The following ASAH2 variants were observed in gnomAD, a reference collection of about 807,000 sequenced individuals.
ASAH2 encodes N-acylsphingosine amidohydrolase 2.
In ASAH2, 58 loss-of-function variants were observed where a neutral mutation model predicts 82.9. The observed-to-expected ratio is 0.70, with a 90% CI of 0.57 to 0.87. The LOEUF is 0.87. Ranked by LOEUF, ASAH2 falls within the 40% of genes least tolerant of loss-of-function variation. The pLI, the probability that ASAH2 is intolerant of heterozygous loss-of-function variation, is 0.00. For missense variants in ASAH2, 779 were observed against 834.0 expected, an observed-to-expected ratio of 0.93 and a Z score of 0.81; for synonymous variants, 276 against 289.7, an observed-to-expected ratio of 0.95 and a Z score of 0.48.
Position 50,187,116 on chromosome 10 carries a change from TCTCACACACACACA to T in ASAH2, c.*185_*198del, listed in dbSNP as rs1402153741. 84 of 230,078 alleles carry T rather than the reference TCTCACACACACACA, an allele frequency of 3.7e-4. No individual in the cohort carries two copies. Among genetic ancestry groups the T allele is most frequent in the African/African-American group, 2.8e-3 (74 of 26,100 alleles). The allele number at this position is 230,078 out of a possible 1,614,324, so 14.3% of individuals were successfully genotyped here. A position where few individuals can be genotyped will look rare whatever the true frequency, so the allele number is the denominator to read the frequency against. ...CTCTCTCTCTCTCTCTCTCTCTCTC[TCTCACACACACACA>T]CACACACACACACACACACACACAC... On this transcript the variant is annotated 3_prime_UTR_variant, in exon 21 of 21. Coordinates refer to ENST00000682911, the MANE Select transcript of ASAH2 (RefSeq NM_019893.4).
chr10:50,234,461 T>C lies in ASAH2; in HGVS notation c.779A>G (p.Tyr260Cys). The C allele has an allele frequency of 3.1e-6, 5 of 1,613,094 alleles. No homozygotes were observed. Among genetic ancestry groups the C allele is most frequent in the Non-Finnish European group, 4.2e-6 (5 of 1,179,278 alleles). ...VDGVQINRSP[Y>C]SYLQNPQSER... ...TGACTGCGGATTTTGAAGGTAAGAA[T>C]ACGGACTTCTGTTGATCTGCACACC... Residue 260 changes from tyrosine (Y) to cysteine (C), a missense_variant, in exon 6 of 21, where the codon TAT becomes TGT. Transcript: ENST00000682911.
intron 4 of ASAH2, among the ~76,000 whole-genome samples, chr10:50,241,710 TA>T (rs982033500): frequency 2.6e-5 from 4 of 151,990 alleles, no homozygotes; most frequent in African/African-American, 4.8e-5. Flanking sequence ...TATACAGCCA[TA>T]AAAAAGGGTG....
chr10:50,243,127 A>C, intron 4 of ASAH2, 75 bp downstream of exon 4: 2 of 1,530,546 alleles, frequency 1.3e-6, no homozygotes, highest in Non-Finnish European at 1.8e-6. Context: ...AAGAGGAATT[A>C]TTTCCTGTCA....
chr10:50,236,059 C>A lies in ASAH2; in HGVS notation c.516G>T (p.Leu172=). The stretch of plus-strand genomic sequence containing the variant: ...AGCCATATTTACTCTGCAGTCTGTT[C>A]AGGACCTTCAAGAAAAAAAGTAATT... The part of the protein sequence containing the change: ...MVSQRLRLEV[L]NRLQSKYGSL... Residue 172 remains leucine, a synonymous_variant, in exon 5 of 21, where the codon CTG becomes CTT. Transcript: ENST00000682911. 1.7e-5 allele frequency: 27 copies of A among 1,612,998 alleles called. No homozygotes were observed. Among genetic ancestry groups the A allele is most frequent in the Non-Finnish European group, 2.3e-5 (27 of 1,179,212 alleles).
chr10:50,231,950 A>G (rs1173583053), intron 7 of ASAH2, among the ~76,000 whole-genome samples: 3 of 152,136 alleles, frequency 2.0e-5, no homozygotes, highest in African/African-American at 7.2e-5. Context: ...AGACAACCCT[A>G]TGGGGTATTA....
chr10:50,199,298 C>CATTTCCATTT, intron 16 of ASAH2, 152 bp from the exon 17 acceptor site: 1 of 768,474 alleles, frequency 1.3e-6, no homozygotes. Flanking sequence ...AGAGGATGGG[C>CATTTCCATTT]ATTTCCATTT....
At chr10:50,196,385 C>G (rs1175015766) in intron 18 of ASAH2, among the ~76,000 whole-genome samples, 1 of 151,560 alleles carries the variant, frequency 6.6e-6, no homozygotes, top group South Asian at 2.1e-4. Flanking sequence ...CTCCTCCCCC[C>G]AGAAAAACTG....
intron 12 of ASAH2, among the ~76,000 whole-genome samples, 154 bp from the exon 13 acceptor site, chr10:50,206,251 T>C (rs1396789421): frequency 6.6e-6 from 1 of 151,886 alleles, no homozygotes; most frequent in Non-Finnish European, 1.5e-5. Context: ...AGTAATAGAA[T>C]AGGAAAAATG....
intron 15 of ASAH2, among the ~76,000 whole-genome samples, 155 bp from the exon 16 acceptor site, chr10:50,203,079 C>T (rs1845199588): frequency 6.6e-6 from 1 of 151,942 alleles, no homozygotes; most frequent in African/African-American, 2.4e-5. Flanking sequence ...TTGGACAAGT[C>T]AATGGATCTA....
intron 8 of ASAH2, among the ~76,000 whole-genome samples, chr10:50,215,556 G>A (rs1845570879): frequency 3.3e-5 from 5 of 152,138 alleles, no homozygotes; most frequent in South Asian, 4.2e-4. Flanking sequence ...TTAAACAGGG[G>A]ATCCTTTCCC....
rs767204609 is a variant in ASAH2 at position 50,245,415 on chromosome 10, G to A, written c.167C>T (p.Pro56Leu). 6.2e-7 allele frequency: 1 copy of A among 1,613,940 alleles called. No individual in the cohort carries two copies. The highest frequency in any genetic ancestry group is 1.1e-5 in the South Asian group (1 of 91,068). The change falls in exon 3 of 21, where the codon CCA (proline) becomes CTA (leucine). Residue 56 changes from proline (P) to leucine (L), a missense_variant. This residue lies in a region of ASAH2 where 759 missense variants were observed against 755.2 expected (regional missense o/e 1.00). Coordinates refer to ENST00000682911, the MANE Select transcript of ASAH2 (RefSeq NM_019893.4). Reference sequence around the variant, plus strand: ...GGCAGCTGTGGAGCCCTGGGTGGCTGGAGGGCTTTGGGTGGTTGAAAAAAA... The same window carrying A: ...GGCAGCTGTGGAGCCCTGGGTGGCTAGAGGGCTTTGGGTGGTTGAAAAAAA... ...GHFFSTTQSPPATQGSTAAQR... is the reference protein window; with the variant it reads ...GHFFSTTQSPLATQGSTAAQR...
At chr10:50,227,101 C>A (rs1845906047) in intron 7 of ASAH2, among the ~76,000 whole-genome samples, 1 of 151,990 alleles carries the variant, frequency 6.6e-6, no homozygotes, top group Non-Finnish European at 1.5e-5. Flanking sequence ...CCTGAAAATA[C>A]ACTAAATTCA....
In ASAH2 at chr10:50,185,279, T is replaced by C. The variant is rs1844714093; in HGVS notation, c.*2036A>G. The C allele has an allele frequency of 6.7e-6, 1 of 149,304 alleles. No individual in the cohort carries two copies. Among genetic ancestry groups the C allele is most frequent in the Non-Finnish European group, 1.5e-5 (1 of 67,242 alleles). The allele number at this position is 149,304 out of a possible 1,614,324, so 9.2% of individuals were successfully genotyped here. ...TATTGATAATCCAGGAATTTGGTTT[T>C]ATTTTTACACATGAACTGCGAACAT... On this transcript the variant is annotated 3_prime_UTR_variant, in exon 21 of 21. Transcript: ENST00000682911.
Position 50,232,318 on chromosome 10 carries a change from A to C in ASAH2, c.893+866T>G, listed in dbSNP as rs1224845072. On this transcript the variant is annotated intron_variant, in intron 7 of 20. Transcript: ENST00000682911. ...ATACTTACTTTATCCTATGGTATGC[A>C]CAAAAATGCTTAGGGATGAGAAACA... is the stretch of plus-strand genomic sequence containing the variant. Among the ~76,000 whole-genome samples, 7 of 152,260 alleles carry C rather than the reference A, an allele frequency of 4.6e-5. No individual in the cohort carries two copies. In the East Asian group the frequency reaches 5.8e-4, roughly 13 times the overall value.
rs1171385681 is a variant in ASAH2 at position 50,187,118 on chromosome 10, TCA to T, written c.*195_*196del. On this transcript the variant is annotated 3_prime_UTR_variant, in exon 21 of 21. Coordinates refer to ENST00000682911, the MANE Select transcript of ASAH2 (RefSeq NM_019893.4). ...CTCTCTCTCTCTCTCTCTCTCTCTC[TCA>T]CACACACACACACACACACACACAC... The T allele has an allele frequency of 0.01, 1,642 of 156,798 alleles. 21 individuals are homozygous for T. Among genetic ancestry groups the T allele is most frequent in the African/African-American group, 0.036 (671 of 18,456 alleles). 9.7% of individuals were successfully genotyped at this position (156,798 alleles called of 1,614,324 possible). A position where few individuals can be genotyped will look rare whatever the true frequency, so the allele number is the denominator to read the frequency against.
At position 50,187,038 on chromosome 10, in the gene ASAH2, T is replaced by C. The variant is rs1401419672; in HGVS notation, c.*277A>G. ...TCAAGGGAAATCATGCTTTAGGCTGTAGACCACAAGATATATGGCTGCTGG... is the reference window on the plus strand; with the variant it reads ...TCAAGGGAAATCATGCTTTAGGCTGCAGACCACAAGATATATGGCTGCTGG... On this transcript the variant is annotated 3_prime_UTR_variant, in exon 21 of 21. Transcript: ENST00000682911. 16 of 456,662 alleles carry C rather than the reference T, an allele frequency of 3.5e-5. No homozygotes were observed. Among genetic ancestry groups the C allele is most frequent in the African/African-American group, 3.3e-4 (15 of 45,800 alleles). The allele number at this position is 456,662 out of a possible 1,614,324, so 28.3% of individuals were successfully genotyped here.
At chr10:50,247,409 C>A (rs541253426) in intron 2 of ASAH2, among the ~76,000 whole-genome samples, 2 of 151,960 alleles carry the variant, frequency 1.3e-5, no homozygotes, top group African/African-American at 4.8e-5. Flanking sequence ...AGGTGATCTG[C>A]CTACCTTGGT....
chr10:50,245,006 A>G (rs896793237), intron 3 of ASAH2, among the ~76,000 whole-genome samples: 1 of 152,174 alleles, frequency 6.6e-6, no homozygotes, highest in Non-Finnish European at 1.5e-5. Flanking sequence ...GCTCATGAAA[A>G]AAAAAGGCCA....
In ASAH2 at chr10:50,245,382, G is replaced by T; in HGVS notation, c.200C>A (p.Ser67Tyr). The T allele has an allele frequency of 4.3e-6, 7 of 1,613,936 alleles. No homozygotes were observed. The highest frequency in any genetic ancestry group is 5.9e-6 in the Non-Finnish European group (7 of 1,179,928). Residue 67 changes from serine (S) to tyrosine (Y), a missense_variant, in exon 3 of 21, where the codon TCC becomes TAC. By Grantham distance (144) the Ser-to-Tyr change is moderately radical. This residue lies in a region of ASAH2 where 759 missense variants were observed against 755.2 expected (regional missense o/e 1.00). Transcript: ENST00000682911. ...GGCTGTGGAATGCTGGGTGGCTGTG[G>T]AGCGTTGGGCAGCTGTGGAGCCCTG... ...ATQGSTAAQR[S>Y]TATQHSTATQ...
Sources: allele counts gnomAD v4.1 joint callset (sites outside exome capture counted in the v4.1 genomes callset), GRCh38; gene constraint gnomAD v4.1.1; regional missense constraint gnomAD v4.1.1; transcripts MANE v1.5; gene names NCBI Gene and HGNC (gene_info 2026-07-23, HGNC 2026-07-21).